The following PCDHGA4 variants were observed in gnomAD, a reference collection of about 807,000 sequenced individuals.
PCDHGA4 encodes the protein protocadherin gamma subfamily A, 4.
PCDHGA4 carries 38 observed loss-of-function variants against 54.6 expected under a neutral mutation model. The observed-to-expected ratio is 0.70, with a 90% CI of 0.54 to 0.91. The LOEUF is 0.91. Ranked by LOEUF, PCDHGA4 falls within the 40% of genes least tolerant of loss-of-function variation. The pLI, the probability that PCDHGA4 is intolerant of heterozygous loss-of-function variation, is 0.00. For missense variants in PCDHGA4, 1,298 were observed against 1,220.9 expected (o/e 1.06, Z -0.94); for synonymous variants, 511 against 512.9 (o/e 1.00, Z 0.05).
At chr5:141,483,670 A>G (rs1158511173) in intron 1 of PCDHGA4, among the ~76,000 whole-genome samples, 1 of 138,404 alleles carries the variant, frequency 7.2e-6, no homozygotes, top group African/African-American at 3.1e-5. Context: ...GTGTGTGTGT[A>G]AAAGAACACA....
chr5:141,364,519 A>G, intron 1 of PCDHGA4: 1 of 1,614,016 alleles, frequency 6.2e-7, no homozygotes, highest in Non-Finnish European at 8.5e-7. Context: ...CGGAGCGCGG[A>G]GTCCGCATCG....
Position 141,390,370 on chromosome 5 carries a change from A to T in PCDHGA4, c.2514+32749A>T, listed in dbSNP as rs1252386186. On this transcript the variant is annotated intron_variant, in intron 1 of 3. Coordinates refer to ENST00000571252, the MANE Select transcript of PCDHGA4 (RefSeq NM_018917.4). ...AATATACATATTTGCAGGAAAATAT[A>T]TAATTTTTAGATGTCATGGATCATT... 4 of 1,504,066 alleles carry T rather than the reference A, an allele frequency of 2.7e-6. No individual in the cohort carries two copies. In the African/African-American group the frequency reaches 4.2e-5, roughly 16 times the overall value. The allele number at this position is 1,504,066 out of a possible 1,614,324, so 93.2% of individuals were successfully genotyped here. A position where few individuals can be genotyped will look rare whatever the true frequency, so the allele number is the denominator to read the frequency against.
At chr5:141,413,623 G>A (rs1454358985) in intron 1 of PCDHGA4, 2 of 1,613,752 alleles carry the variant, frequency 1.2e-6, no homozygotes, top group African/African-American at 1.3e-5. Flanking sequence ...TAATGAAAAT[G>A]TCGCTGCGGG....
rs866752085 is a variant in PCDHGA4, at chr5:141,424,634, A to G, written c.2514+67013A>G. ...AATAGAGTAGTTTGTGAATATATAA[A>G]TAGATTGAAGGTATTTGGACTTTAA... On this transcript the variant is annotated intron_variant, in intron 1 of 3. Coordinates refer to ENST00000571252, the MANE Select transcript of PCDHGA4 (RefSeq NM_018917.4). 6 of 152,338 alleles carry G rather than the reference A, an allele frequency of 3.9e-5. No individual in the cohort carries two copies. The South Asian group carries it at 1.2e-3, about 32-fold the overall frequency. 9.4% of individuals were successfully genotyped at this position (152,338 alleles called of 1,614,324 possible).
intron 1 of PCDHGA4, chr5:141,372,805 A>C: frequency 6.3e-7 from 1 of 1,592,964 alleles, no homozygotes; most frequent in Non-Finnish European, 8.6e-7. Flanking sequence ...GGCAATTTGC[A>C]AAAGGTGAGT....
rs759439765 is a variant in PCDHGA4 at position 141,478,199 on chromosome 5, C to A, written c.2515-16608C>A. ...GAAAAAAAATCTCACCTTTTATCTA[C>A]TTCTTTCTCTAATCCTGGTTTCTGT... On this transcript the variant is annotated intron_variant, in intron 1 of 3. Coordinates refer to ENST00000571252, the MANE Select transcript of PCDHGA4 (RefSeq NM_018917.4). The A allele has an allele frequency of 3.8e-5, 62 of 1,613,938 alleles. No homozygotes were observed. Among genetic ancestry groups the A allele is most frequent in the Non-Finnish European group, 5.0e-5 (59 of 1,180,046 alleles).
intron 1 of PCDHGA4, chr5:141,408,444 G>A (rs2095109468): frequency 6.2e-6 from 10 of 1,613,960 alleles, no homozygotes; most frequent in Non-Finnish European, 7.6e-6. Context: ...GACGCGGAGA[G>A]CGGGGACTTA....
In PCDHGA4 at chr5:141,490,861, T is replaced by C. The variant is rs1465042036; in HGVS notation, c.2515-3946T>C. The C allele has an allele frequency of 1.2e-6, 2 of 1,613,816 alleles. No individual in the cohort carries two copies. Among genetic ancestry groups the C allele is most frequent in the Non-Finnish European group, 1.7e-6 (2 of 1,179,920 alleles). On this transcript the variant is annotated intron_variant, in intron 1 of 3. Coordinates refer to ENST00000571252, the MANE Select transcript of PCDHGA4 (RefSeq NM_018917.4). The surrounding 1 kb of genome is among the most constrained non-coding windows in gnomAD (Gnocchi z 5.4). Reference sequence around the variant, plus strand: ...TGTGGTGGGGGTTCGAGACTCCGGCTCTCCCCCATTGCATGCCAACACATC... The same window carrying C: ...TGTGGTGGGGGTTCGAGACTCCGGCCCTCCCCCATTGCATGCCAACACATC...
At chr5:141,376,467 A>C in intron 1 of PCDHGA4, 3 of 1,614,180 alleles carry the variant, frequency 1.9e-6, no homozygotes, top group Non-Finnish European at 2.5e-6. Flanking sequence ...CTGATAACTC[A>C]GGATTTACTT....
intron 1 of PCDHGA4, chr5:141,393,806 CA>C (rs1489692597): frequency 6.2e-7 from 1 of 1,613,866 alleles, no homozygotes; most frequent in Non-Finnish European, 8.5e-7. Context: ...TGGGGAGGAC[CA>C]AATTGCTCAT....
intron 1 of PCDHGA4, chr5:141,389,046 G>A: frequency 1.9e-6 from 3 of 1,613,888 alleles, no homozygotes; most frequent in African/African-American, 1.3e-5. Context: ...GGAAGGTGAT[G>A]TTCCATTTAA....
chr5:141,414,263 A>G, intron 1 of PCDHGA4: 1 of 1,613,500 alleles, frequency 6.2e-7, no homozygotes, highest in Non-Finnish European at 8.5e-7. Flanking sequence ...GTGACTGAAG[A>G]TTCACCTCTG....
intron 2 of PCDHGA4, among the ~76,000 whole-genome samples, chr5:141,501,506 G>A (rs770097282): frequency 1.3e-5 from 2 of 151,864 alleles, no homozygotes; most frequent in Non-Finnish European, 2.9e-5. Context: ...GGGGCTCCAA[G>A]GCCTCCAAGC....
At chr5:141,446,502 A>G (rs1178198384) in intron 1 of PCDHGA4, among the ~76,000 whole-genome samples, 5 of 150,732 alleles carry the variant, frequency 3.3e-5, no homozygotes, top group Non-Finnish European at 7.4e-5. Context: ...TTTGAGATGG[A>G]GTCTCGCTCT....
chr5:141,415,967 C>A, intron 1 of PCDHGA4: 1 of 389,100 alleles, frequency 2.6e-6, no homozygotes, highest in Non-Finnish European at 4.2e-6. Context: ...AACTCCAGCC[C>A]CTTAAGCAAC....
In PCDHGA4 at chr5:141,485,513, T is replaced by C. The variant is rs751762068; in HGVS notation, c.2515-9294T>C. The C allele has an allele frequency of 4.3e-6, 7 of 1,613,938 alleles. No homozygotes were observed. The highest frequency in any genetic ancestry group is 2.2e-5 in the East Asian group (1 of 44,890). On this transcript the variant is annotated intron_variant, in intron 1 of 3. Coordinates refer to ENST00000571252, the MANE Select transcript of PCDHGA4 (RefSeq NM_018917.4). The surrounding 1 kb of genome is among the most constrained non-coding windows in gnomAD (Gnocchi z 5.7). ...CCTGGAGTTTGTCACCGAAGGTCCTTTGGAAATGTACCGAGCAGAGGTAGA... is the reference window on the plus strand; with the variant it reads ...CCTGGAGTTTGTCACCGAAGGTCCTCTGGAAATGTACCGAGCAGAGGTAGA...
chr5:141,439,368 A>C (rs1346879772), intron 1 of PCDHGA4, among the ~76,000 whole-genome samples: 1 of 152,192 alleles, frequency 6.6e-6, no homozygotes, highest in East Asian at 1.9e-4. Flanking sequence ...CATCAAGAAG[A>C]AATAAAAATA....
intron 1 of PCDHGA4, chr5:141,362,643 G>A: frequency 6.8e-7 from 1 of 1,460,260 alleles, no homozygotes; most frequent in Non-Finnish European, 9.1e-7. Flanking sequence ...TTCTTTGTCT[G>A]TGAGTTAGAT....
At chr5:141,383,188 G>T (rs762386846) in intron 1 of PCDHGA4, 26 of 1,614,064 alleles carry the variant, frequency 1.6e-5, no homozygotes, top group Non-Finnish European at 2.1e-5. Context: ...AGAGATCTGC[G>T]CTCAGAGTGC....
Sources: allele counts gnomAD v4.1 joint callset (sites outside exome capture counted in the v4.1 genomes callset), GRCh38; gene constraint gnomAD v4.1.1; non-coding constraint Gnocchi (gnomAD v3.1); transcripts MANE v1.5; gene names NCBI Gene and HGNC (gene_info 2026-07-23, HGNC 2026-07-21).